Variants in CNTN4 observed in about 807,000 individuals in gnomAD.
The protein encoded by CNTN4 is contactin-4.
Under a neutral mutation model 122.5 loss-of-function variants are expected in CNTN4, and 77 were observed. The observed-to-expected ratio is 0.63, with a 90% CI of 0.52 to 0.76. The LOEUF (loss-of-function observed/expected upper bound fraction) is 0.76, where lower values mean the gene tolerates loss of function less well. Ranked by LOEUF, CNTN4 falls within the 30% of genes least tolerant of loss-of-function variation. The pLI is 0.00. For synonymous variants in CNTN4, 512 were observed against 447.0 expected (o/e 1.15, Z -1.83); for missense variants, 1,256 against 1,259.1 (o/e 1.00, Z 0.04).
At chr3:2,661,333 T>C (rs1281541418) in intron 4 of CNTN4, among the ~76,000 whole-genome samples, 1 of 152,140 alleles carries the variant, frequency 6.6e-6, no homozygotes, top group African/African-American at 2.4e-5. Flanking sequence ...AATACTTAAG[T>C]TGACCCTGTG....
At chr3:2,294,054 C>A (rs2042221084) in intron 2 of CNTN4, among the ~76,000 whole-genome samples, 1 of 152,188 alleles carries the variant, frequency 6.6e-6, no homozygotes, top group African/African-American at 2.4e-5. Context: ...ATCTTATCAG[C>A]CAGCCAGCTT....
At chr3:2,901,188 A>T (rs2094169182) in intron 11 of CNTN4, among the ~76,000 whole-genome samples, 4 of 152,258 alleles carry the variant, frequency 2.6e-5, no homozygotes, top group Non-Finnish European at 4.4e-5. Context: ...ATCCATCTAA[A>T]TAGAGAAACA....
chr3:2,452,447 G>A (rs978986843), intron 3 of CNTN4, among the ~76,000 whole-genome samples: 6 of 152,110 alleles, frequency 3.9e-5, no homozygotes, highest in African/African-American at 1.4e-4. Flanking sequence ...GATTCTATTT[G>A]GGAAGGGACT....
intron 6 of CNTN4, among the ~76,000 whole-genome samples, chr3:2,763,379 T>C (rs1374544327): frequency 1.3e-5 from 2 of 152,212 alleles, no homozygotes; most frequent in East Asian, 1.9e-4. Context: ...ATGCTAGATA[T>C]TAGACCTTAA....
chr3:2,784,113 G>T (rs2149892824), intron 6 of CNTN4, among the ~76,000 whole-genome samples: 1 of 152,228 alleles, frequency 6.6e-6, no homozygotes, highest in South Asian at 2.1e-4. Context: ...TAGACATTTA[G>T]AAAATTGGGA....
At chr3:2,518,209 G>A (rs2077093322) in intron 3 of CNTN4, among the ~76,000 whole-genome samples, 1 of 146,744 alleles carries the variant, frequency 6.8e-6, no homozygotes, top group Non-Finnish European at 1.5e-5. Flanking sequence ...AGTTTCTTAG[G>A]TTAATATGTG....
At chr3:2,191,694 G>A (rs1187376048) in intron 2 of CNTN4, among the ~76,000 whole-genome samples, 9 of 42,328 alleles carry the variant, frequency 2.1e-4, no homozygotes, top group African/African-American at 4.0e-4. Context: ...AAAATTCTAT[G>A]TATATATATA....
chr3:2,916,717 A>AC lies in CNTN4; in HGVS notation c.1208-8911dup, dbSNP rs545021565. 2.4e-3 allele frequency among the ~76,000 whole-genome samples: 344 copies of AC among 141,274 alleles called. 1 individual carries two copies. Among genetic ancestry groups the AC allele is most frequent in the African/African-American group, 8.0e-3 (287 of 35,684 alleles). The allele number at this position is 141,274 out of a possible 152,430, so 92.7% of individuals were successfully genotyped here. A position where few individuals can be genotyped will look rare whatever the true frequency, so the allele number is the denominator to read the frequency against. ...GCCCGTTCTCAATGAGCTGTTGGGT[A>AC]CACCTCCCAGACGGGGTGGCGGCCG... On this transcript the variant is annotated intron_variant, in intron 12 of 24. Transcript: ENST00000418658.
chr3:2,353,049 A>T (rs186022769), intron 3 of CNTN4, among the ~76,000 whole-genome samples: 164 of 152,246 alleles, frequency 1.1e-3, no homozygotes, highest in African/African-American at 3.9e-3. Context: ...TAAACGTGCC[A>T]ATCAGTGCTC....
rs1197632560 is a variant in CNTN4, at chr3:2,841,012, C to T, written c.454+21431C>T. ...TTGTTTCTCTTCCATCAGCTTTTCT[C>T]CTTCTCTATTCTGCATTATCATATG... is the stretch of plus-strand genomic sequence containing the variant. On this transcript the variant is annotated intron_variant, in intron 7 of 24. Coordinates refer to ENST00000418658, the MANE Select transcript of CNTN4 (RefSeq NM_175607.3). This position sits in a 1 kb window ranked among gnomAD's most constrained non-coding sequence, Gnocchi z 4.8. 6.6e-6 allele frequency among the ~76,000 whole-genome samples: 1 copy of T among 152,176 alleles called. No homozygotes were observed. The highest frequency in any genetic ancestry group is 2.4e-5 in the African/African-American group (1 of 41,446).
At chr3:2,306,911 T>A (rs1243811722) in intron 2 of CNTN4, among the ~76,000 whole-genome samples, 1 of 152,134 alleles carries the variant, frequency 6.6e-6, no homozygotes, top group East Asian at 1.9e-4. Context: ...ATTTCATGTT[T>A]GAATTGCTCA....
At chr3:2,335,034 G>T (rs906537044) in intron 2 of CNTN4, among the ~76,000 whole-genome samples, 1 of 152,172 alleles carries the variant, frequency 6.6e-6, no homozygotes, top group African/African-American at 2.4e-5. Context: ...GCTATTAGCT[G>T]AGAAGCTCTG....
chr3:2,182,231 T>C (rs2037045790), intron 2 of CNTN4, among the ~76,000 whole-genome samples: 1 of 151,966 alleles, frequency 6.6e-6, no homozygotes, highest in South Asian at 2.1e-4. Flanking sequence ...GCCTTGCTTT[T>C]TCTTTACTTG....
chr3:2,337,241 C>T (rs1469755644), intron 2 of CNTN4, among the ~76,000 whole-genome samples: 3 of 152,022 alleles, frequency 2.0e-5, no homozygotes, highest in Non-Finnish European at 2.9e-5. Context: ...GTTCTTTTGG[C>T]CAGGATTCCC....
At chr3:2,764,916 C>G (rs1291722866) in intron 6 of CNTN4, among the ~76,000 whole-genome samples, 1 of 152,180 alleles carries the variant, frequency 6.6e-6, no homozygotes, top group African/African-American at 2.4e-5. Context: ...AAACTTCACA[C>G]AGCTGGGAAG....
At chr3:2,688,680 C>A (rs529969667) in intron 4 of CNTN4, among the ~76,000 whole-genome samples, 1 of 152,092 alleles carries the variant, frequency 6.6e-6, no homozygotes, top group Non-Finnish European at 1.5e-5. Context: ...AGGTTAGAGG[C>A]GTGAATAGTC....
chr3:2,796,290 G>T (rs1242067197), intron 6 of CNTN4, among the ~76,000 whole-genome samples: 1 of 152,084 alleles, frequency 6.6e-6, no homozygotes, highest in Non-Finnish European at 1.5e-5. Flanking sequence ...TTTCTTAAAG[G>T]ATTATATTTG....
intron 5 of CNTN4, among the ~76,000 whole-genome samples, chr3:2,736,758 C>A (rs182148210): frequency 2.4e-4 from 36 of 151,376 alleles, no homozygotes; most frequent in Middle Eastern, 3.4e-3. Flanking sequence ...CCACCACACC[C>A]GGACCAAGAG....
intron 12 of CNTN4, among the ~76,000 whole-genome samples, chr3:2,905,768 T>A (rs567640548): frequency 4.6e-5 from 7 of 152,314 alleles, no homozygotes; most frequent in Admixed American, 2.6e-4. Flanking sequence ...GAAAGGGAAT[T>A]TGGCTAGGGG....
Sources: gnomAD v4.1 joint callset for allele counts (sites outside exome capture counted in the v4.1 genomes callset) on GRCh38, gnomAD v4.1.1 for gene constraint, Gnocchi (gnomAD v3.1) non-coding constraint, MANE v1.5 for transcripts, NCBI Gene and HGNC (gene_info 2026-07-23, HGNC 2026-07-21) for gene names.